Variants in MRTO4 observed in about 807,000 individuals in gnomAD.
MRTO4 encodes mRNA turnover protein 4 homolog.
In MRTO4, 7 loss-of-function variants were observed where a neutral mutation model predicts 28.6. The ratio of observed to expected loss-of-function variants is 0.24; its 90% CI spans 0.14 to 0.46. The LOEUF is 0.46. Among genes scored for constraint, MRTO4 ranks in the 20% least tolerant of loss-of-function variants. The pLI is 0.99. For missense variants in MRTO4, 302 were observed against 298.3 expected (o/e 1.01, Z -0.09); for synonymous variants, 113 against 108.2 (o/e 1.04, Z -0.27).
chr1:19,254,705 C>T (rs569925778), intron 1 of MRTO4, 77 bp from the exon 2 acceptor site: 2 of 1,240,686 alleles, frequency 1.6e-6, no homozygotes, highest in African/African-American at 3.0e-5. Context: ...TGCTCTCTGC[C>T]AAAGGGGAGA....
intron 3 of MRTO4, 58 bp from the exon 4 acceptor site, chr1:19,257,006 G>A: frequency 6.4e-7 from 1 of 1,556,988 alleles, no homozygotes; most frequent in Non-Finnish European, 8.8e-7. Flanking sequence ...GCATGTTGCT[G>A]AGGGATGGGG....
intron 1 of MRTO4, 134 bp downstream of exon 1, chr1:19,251,997 G>A: frequency 7.6e-7 from 1 of 1,313,358 alleles, no homozygotes; most frequent in Non-Finnish European, 1.0e-6. Flanking sequence ...CTGCCTCGCT[G>A]CGAGCTGGAA....
At chr1:19,258,410 G>T in intron 6 of MRTO4, 67 bp from the exon 7 acceptor site, 1 of 1,588,194 alleles carries the variant, frequency 6.3e-7, no homozygotes, top group South Asian at 1.1e-5. Context: ...CTCCCAACAT[G>T]ACCAGGGCAG....
At position 19,258,465 on chromosome 1, in the gene MRTO4, C is replaced by T. The variant is rs1172973456; in HGVS notation, c.494-12C>T. 3.1e-6 allele frequency: 5 copies of T among 1,613,494 alleles called. No homozygotes were observed. In the East Asian group the frequency reaches 1.1e-4, roughly 36 times the overall value. On this transcript the variant is annotated splice_polypyrimidine_tract_variant and intron_variant, in intron 6 of 7. Coordinates refer to ENST00000330263, the MANE Select transcript of MRTO4 (RefSeq NM_016183.4). ...TGGGCCAGAGGTAACTGAGAGCCAC[C>T]CTCTTCTGCAGGTGTGGTGACTCTG...
intron 1 of MRTO4, chr1:19,252,361 A>G (rs912418497): frequency 5.9e-6 from 1 of 170,648 alleles, no homozygotes; most frequent in Non-Finnish European, 1.3e-5. Flanking sequence ...CCTCTGAGAC[A>G]GGGTCTCGCT....
At position 19,259,861 on chromosome 1, in the gene MRTO4, C is replaced by T. The variant is rs1455245838; in HGVS notation, c.*1031C>T. 1 of 152,200 alleles carries T rather than the reference C, an allele frequency of 6.6e-6. No individual in the cohort carries two copies. Among genetic ancestry groups the T allele is most frequent in the Non-Finnish European group, 1.5e-5 (1 of 68,042 alleles). The allele number at this position is 152,200 out of a possible 1,614,324, so 9.4% of individuals were successfully genotyped here. Reference sequence around the variant, plus strand: ...CCACGGCATCCTGGGAGGTTTTATCCTTGGTGACTCTAATGGTAGATTTTT... The same window carrying T: ...CCACGGCATCCTGGGAGGTTTTATCTTTGGTGACTCTAATGGTAGATTTTT... On this transcript the variant is annotated 3_prime_UTR_variant, in exon 8 of 8. Transcript: ENST00000330263.
chr1:19,257,360 T>TA (rs756091576), intron 4 of MRTO4, 94 bp from the exon 5 acceptor site: 2 of 1,460,642 alleles, frequency 1.4e-6, no homozygotes, highest in Non-Finnish European at 1.9e-6. Context: ...AAAACGTCTT[T>TA]AAATGTTGCC....
chr1:19,252,154 C>T lies in MRTO4; in HGVS notation c.28+291C>T, dbSNP rs2093662336. On this transcript the variant is annotated intron_variant, in intron 1 of 7. Transcript: ENST00000330263. Reference sequence around the variant, plus strand: ...TCCTGAACACCGCCCCCGGCTATGCCTGCTGCCGTTTCGGCCCACTTTTCC... The same window carrying T: ...TCCTGAACACCGCCCCCGGCTATGCTTGCTGCCGTTTCGGCCCACTTTTCC... The T allele has an allele frequency of 1.9e-5, 9 of 462,316 alleles. 1 individual carries two copies. The highest frequency in any genetic ancestry group is 5.8e-4 in the Middle Eastern group (1 of 1,726). The allele number at this position is 462,316 out of a possible 1,614,324, so 28.6% of individuals were successfully genotyped here.
chr1:19,255,829 A>G, intron 2 of MRTO4, 119 bp from the exon 3 acceptor site: 1 of 801,432 alleles, frequency 1.2e-6, no homozygotes, highest in Non-Finnish European at 2.0e-6. Context: ...AGAGGCCTCC[A>G]GTTCTTCCAG....
rs1157999195 is a variant in MRTO4, at chr1:19,258,978, G to A, written c.*148G>A. ...CTGACCTCCTGTAAAGAATAAAACT[G>A]TGGGCCGGGCGCGGTGGCTCACGCC... is the stretch of plus-strand genomic sequence containing the variant. On this transcript the variant is annotated 3_prime_UTR_variant, in exon 8 of 8. Transcript: ENST00000330263. 1.9e-6 allele frequency: 2 copies of A among 1,063,684 alleles called. No individual in the cohort carries two copies. The highest frequency in any genetic ancestry group is 5.3e-5 in the East Asian group (2 of 38,046). 65.9% of individuals were successfully genotyped at this position (1,063,684 alleles called of 1,614,324 possible). A position where few individuals can be genotyped will look rare whatever the true frequency, so the allele number is the denominator to read the frequency against.
chr1:19,258,822 G>A lies in MRTO4; in HGVS notation c.712G>A (p.Asp238Asn). ...CACAGAAGAGTCAGACTCAGAAGAT[G>A]ATGACTGAAAGGGACTCGGGACTGA... ...ESTEESDSEDDD is the reference protein window; with the variant it reads ...ESTEESDSEDND Residue 238 changes from aspartate to asparagine, a missense_variant, in exon 8 of 8, where the codon GAT becomes AAT. By Grantham distance (23) the Asp-to-Asn change is conservative. Coordinates refer to ENST00000330263, the MANE Select transcript of MRTO4 (RefSeq NM_016183.4). The A allele has an allele frequency of 6.2e-7, 1 of 1,614,044 alleles. No homozygotes were observed. The highest frequency in any genetic ancestry group is 8.5e-7 in the Non-Finnish European group (1 of 1,179,992).
intron 3 of MRTO4, 34 bp downstream of exon 3, chr1:19,256,085 T>C: frequency 6.3e-7 from 1 of 1,590,644 alleles, no homozygotes; most frequent in Non-Finnish European, 8.6e-7. Context: ...CCCTTCTGAG[T>C]GGGGACCCGG....
At chr1:19,258,655 T>C in intron 7 of MRTO4, 26 bp from the exon 8 acceptor site, 1 of 1,614,090 alleles carries the variant, frequency 6.2e-7, no homozygotes, top group Non-Finnish European at 8.5e-7. Context: ...TTCCTCCTGA[T>C]TCTTTGTTCC....
At chr1:19,258,396 A>G (rs2093674782) in intron 6 of MRTO4, 81 bp from the exon 7 acceptor site, 1 of 1,550,518 alleles carries the variant, frequency 6.4e-7, no homozygotes, top group East Asian at 2.2e-5. Flanking sequence ...GGCTGACTGG[A>G]TTCCTCCCAA....
At position 19,256,066 on chromosome 1, in the gene MRTO4, G is replaced by A; in HGVS notation, c.191+15G>A. 1 of 1,612,110 alleles carries A rather than the reference G, an allele frequency of 6.2e-7. No homozygotes were observed. Among genetic ancestry groups the A allele is most frequent in the Non-Finnish European group, 8.5e-7 (1 of 1,178,328 alleles). On this transcript the variant is annotated intron_variant, in intron 3 of 7. Coordinates refer to ENST00000330263, the MANE Select transcript of MRTO4 (RefSeq NM_016183.4). Reference sequence around the variant, plus strand: ...AAGCACAGCCGGTGAGCGGGCAGGGGGAGGAAGGCCCTTCTGAGTGGGGAC... The same window carrying A: ...AAGCACAGCCGGTGAGCGGGCAGGGAGAGGAAGGCCCTTCTGAGTGGGGAC...
intron 6 of MRTO4, 21 bp from the exon 7 acceptor site, chr1:19,258,456 G>C: frequency 6.2e-7 from 1 of 1,613,076 alleles, no homozygotes; most frequent in East Asian, 2.2e-5. Flanking sequence ...AGAGGTAACT[G>C]AGAGCCACCC....
chr1:19,256,104 C>G lies in MRTO4; in HGVS notation c.191+53C>G, dbSNP rs546799263. On this transcript the variant is annotated intron_variant, in intron 3 of 7. Transcript: ENST00000330263. ...TCTGAGTGGGGACCCGGCCAGGCTGCTCTCAGTCAAAGCACAGGAGCAATT... is the reference window on the plus strand; with the variant it reads ...TCTGAGTGGGGACCCGGCCAGGCTGGTCTCAGTCAAAGCACAGGAGCAATT... 32 of 1,525,738 alleles carry G rather than the reference C, an allele frequency of 2.1e-5. 1 individual carries two copies. In the South Asian group the frequency reaches 3.6e-4, roughly 17 times the overall value. 94.5% of individuals were successfully genotyped at this position (1,525,738 alleles called of 1,614,324 possible). A position where few individuals can be genotyped will look rare whatever the true frequency, so the allele number is the denominator to read the frequency against.
rs1292698255 is a variant in MRTO4 at position 19,258,543 on chromosome 1, C to A, written c.560C>A (p.Ala187Asp). Reference sequence around the variant, plus strand: ...GGCGATGTGCTGACCCCAGAGCAGGCTCGCGTCCTGGTGAGTCTGGCGCCT... The same window carrying A: ...GGCGATGTGCTGACCCCAGAGCAGGATCGCGTCCTGGTGAGTCTGGCGCCT... Reference protein sequence around the residue: ...KEGDVLTPEQARVLKLFGYEM... With the variant: ...KEGDVLTPEQDRVLKLFGYEM... The change falls in exon 7 of 8, where the codon GCT becomes GAT. Residue 187 changes from alanine to aspartate, a missense_variant. Coordinates refer to ENST00000330263, the MANE Select transcript of MRTO4 (RefSeq NM_016183.4). 1.9e-6 allele frequency: 3 copies of A among 1,614,140 alleles called. No homozygotes were observed. The South Asian group carries it at 3.3e-5, about 18-fold the overall frequency.
rs760206667 is a variant in MRTO4, at chr1:19,258,839, C to T, written c.*9C>T. The T allele has an allele frequency of 1.5e-5, 25 of 1,613,090 alleles. No individual in the cohort carries two copies. The highest frequency in any genetic ancestry group is 1.5e-4 in the African/African-American group (11 of 75,012). ...CAGAAGATGATGACTGAAAGGGACT[C>T]GGGACTGAAGGTCTCCTGGAAGCTT... On this transcript the variant is annotated 3_prime_UTR_variant, in exon 8 of 8. Transcript: ENST00000330263.
Sources: gnomAD v4.1 joint callset for allele counts on GRCh38, gnomAD v4.1.1 for gene constraint, MANE v1.5 for transcripts, NCBI Gene and HGNC (gene_info 2026-07-23, HGNC 2026-07-21) for gene names.